Variants in FAM184B observed in about 807,000 individuals in gnomAD.
The protein encoded by FAM184B is protein FAM184B.
A neutral mutation model predicts 135.9 loss-of-function variants in FAM184B; 111 were observed. The observed-to-expected ratio is 0.82, with a 90% CI of 0.70 to 0.96. The LOEUF (loss-of-function observed/expected upper bound fraction) is 0.96. Among genes scored for constraint, FAM184B ranks in the 40% least tolerant of loss-of-function variants. The pLI is 0.00. For synonymous variants in FAM184B, 552 were observed against 524.8 expected, an observed-to-expected ratio of 1.05 and a Z score of -0.71; for missense variants, 1,375 against 1,323.9, an observed-to-expected ratio of 1.04 and a Z score of -0.60.
rs1173229406 is a variant in FAM184B, at chr4:17,748,519, T to C, written c.141+32640A>G. 2.7e-5 allele frequency among the ~76,000 whole-genome samples: 4 copies of C among 147,036 alleles called. No homozygotes were observed. In the South Asian group the frequency reaches 6.6e-4, roughly 24 times the overall value. ...CCTCTTGTGTAATTTTTTTTTTTTT[T>C]TTTTTTTTTTTTTAGACAATGTCTC... On this transcript the variant is annotated intron_variant, in intron 1 of 17. Coordinates refer to ENST00000265018, the MANE Select transcript of FAM184B (RefSeq NM_015688.2).
At chr4:17,659,645 C>T (rs1235432202) in intron 9 of FAM184B, among the ~76,000 whole-genome samples, 1 of 152,052 alleles carries the variant, frequency 6.6e-6, no homozygotes, top group African/African-American at 2.4e-5. Context: ...CGCCACATAC[C>T]CAGCTAATTT....
intron 1 of FAM184B, among the ~76,000 whole-genome samples, chr4:17,757,596 C>T (rs1000435253): frequency 2.0e-5 from 3 of 151,470 alleles, no homozygotes; most frequent in African/African-American, 2.4e-5. Context: ...CTTCTGAGAT[C>T]GATATAAAAT....
intron 11 of FAM184B, among the ~76,000 whole-genome samples, chr4:17,651,328 G>C (rs1224907684): frequency 6.6e-6 from 1 of 151,992 alleles, no homozygotes. Flanking sequence ...ACGAGGTCAG[G>C]AGATCGAGAC....
rs1669217905 is a variant in FAM184B at position 17,659,974 on chromosome 4, G to A, written c.1808C>T (p.Ala603Val). Reference protein sequence around the residue: ...RLEEDWQSQKAKLQAQVSQMQ... With the variant: ...RLEEDWQSQKVKLQAQVSQMQ... ...TTGTCCTACCTGGGCTTGCAATTTG[G>A]CCTTCTGGCTTTGCCAGTCCTCCTC... Residue 603 changes from alanine to valine, a missense_variant, in exon 9 of 18, where the codon GCC becomes GTC. By Grantham distance (64) the Ala-to-Val change is moderately conservative. Coordinates refer to ENST00000265018, the MANE Select transcript of FAM184B (RefSeq NM_015688.2). The A allele has an allele frequency of 6.4e-7, 1 of 1,551,030 alleles. No homozygotes were observed. Among genetic ancestry groups the A allele is most frequent in the South Asian group, 1.2e-5 (1 of 84,020 alleles).
chr4:17,632,632 G>GA lies in FAM184B; in HGVS notation c.3090-8_3090-7insT. ...CGTTTCACCATCTGGGGTCCTAAAA[G>GA]CAAAAAAAGGTTTTTTTATATGGTT... On this transcript the variant is annotated splice_region_variant and splice_polypyrimidine_tract_variant and intron_variant, in intron 17 of 17. Coordinates refer to ENST00000265018, the MANE Select transcript of FAM184B (RefSeq NM_015688.2). 6 of 1,542,750 alleles carry GA rather than the reference G, an allele frequency of 3.9e-6. No homozygotes were observed. Among genetic ancestry groups the GA allele is most frequent in the Non-Finnish European group, 5.3e-6 (6 of 1,141,522 alleles).
At position 17,722,979 on chromosome 4, in the gene FAM184B, A is replaced by C. The variant is rs116559950; in HGVS notation, c.142-13335T>G. On this transcript the variant is annotated intron_variant, in intron 1 of 17. Coordinates refer to ENST00000265018, the MANE Select transcript of FAM184B (RefSeq NM_015688.2). ...CATACAAATGGAATTGCGAAAATTC[A>C]AACGCAGACAGAGCAGCTCTTCCAG... Among the ~76,000 whole-genome samples, 1,435 of 152,342 alleles carry C rather than the reference A, an allele frequency of 9.4e-3. 18 individuals carry two copies. The highest frequency in any genetic ancestry group is 0.032 in the African/African-American group (1,315 of 41,566).
chr4:17,755,029 T>A (rs1718387730), intron 1 of FAM184B, among the ~76,000 whole-genome samples: 1 of 151,954 alleles, frequency 6.6e-6, no homozygotes, highest in African/African-American at 2.4e-5. Context: ...CCTGGCTAAT[T>A]TTTAATTTTT....
chr4:17,661,434 C>A (rs1009071999), intron 8 of FAM184B, among the ~76,000 whole-genome samples: 1 of 152,090 alleles, frequency 6.6e-6, no homozygotes, highest in Admixed American at 6.6e-5. Flanking sequence ...CACCTGTAAT[C>A]CCAGCTACTC....
At chr4:17,742,857 C>G (rs906326709) in intron 1 of FAM184B, among the ~76,000 whole-genome samples, 2 of 152,226 alleles carry the variant, frequency 1.3e-5, no homozygotes, top group Non-Finnish European at 2.9e-5. Flanking sequence ...AGGGCAAGAA[C>G]CTGGGTGCCA....
intron 1 of FAM184B, among the ~76,000 whole-genome samples, chr4:17,770,265 C>T (rs1382771671): frequency 6.6e-6 from 1 of 152,302 alleles, no homozygotes; most frequent in Non-Finnish European, 1.5e-5. Flanking sequence ...TAATTCTTGC[C>T]TTTGTGTGAG....
intron 1 of FAM184B, among the ~76,000 whole-genome samples, chr4:17,728,269 C>A (rs902923838): frequency 1.3e-5 from 2 of 152,096 alleles, no homozygotes; most frequent in Non-Finnish European, 2.9e-5. Context: ...TACCTGTAGT[C>A]CCAGCTACTC....
intron 1 of FAM184B, among the ~76,000 whole-genome samples, chr4:17,761,333 C>A (rs909047560): frequency 6.6e-6 from 1 of 152,156 alleles, no homozygotes. Flanking sequence ...GAGAGAAGAA[C>A]CCTTACCAGA....
chr4:17,707,544 G>A, intron 3 of FAM184B, 105 bp downstream of exon 3: 2 of 1,440,934 alleles, frequency 1.4e-6, no homozygotes, highest in South Asian at 1.4e-5. Context: ...AAGCAGCCCT[G>A]CCCCTCCTCT....
intron 5 of FAM184B, among the ~76,000 whole-genome samples, chr4:17,696,618 C>T (rs1030296970): frequency 2.0e-5 from 3 of 152,058 alleles, no homozygotes; most frequent in African/African-American, 7.2e-5. Flanking sequence ...TTGAGACTAG[C>T]CTTGGCAACA....
chr4:17,717,225 A>G lies in FAM184B; in HGVS notation c.142-7581T>C, dbSNP rs368327597. Among the ~76,000 whole-genome samples the G allele has an allele frequency of 2.0e-5, 3 of 152,184 alleles. No homozygotes were observed. The East Asian group carries it at 5.8e-4, about 29-fold the overall frequency. Reference sequence around the variant, plus strand: ...GTTTTTGTGAGGATCAAATAGGGTAATATATCTTAGGTGTCTGGCACGTAG... The same window carrying G: ...GTTTTTGTGAGGATCAAATAGGGTAGTATATCTTAGGTGTCTGGCACGTAG... On this transcript the variant is annotated intron_variant, in intron 1 of 17. Transcript: ENST00000265018.
rs1379595348 is a variant in FAM184B, at chr4:17,629,810, ATAGTGT to A, written c.*2716_*2721del. On this transcript the variant is annotated 3_prime_UTR_variant, in exon 18 of 18. Coordinates refer to ENST00000265018, the MANE Select transcript of FAM184B (RefSeq NM_015688.2). ...TCTATCAAATTGTATTTCTTTGTCA[ATAGTGT>A]TAGGGCACAGTAGGTTCATTTACTG... 1 of 152,190 alleles carries A rather than the reference ATAGTGT, an allele frequency of 6.6e-6. No homozygotes were observed. The highest frequency in any genetic ancestry group is 1.5e-5 in the Non-Finnish European group (1 of 68,044). The allele number at this position is 152,190 out of a possible 1,614,324, so 9.4% of individuals were successfully genotyped here.
chr4:17,736,952 C>T (rs1420136135), intron 1 of FAM184B, among the ~76,000 whole-genome samples: 1 of 152,150 alleles, frequency 6.6e-6, no homozygotes, highest in Non-Finnish European at 1.5e-5. Context: ...CGAGACCAGC[C>T]TGGCCAACAT....
intron 5 of FAM184B, among the ~76,000 whole-genome samples, chr4:17,695,098 A>G (rs1716824311): frequency 6.6e-6 from 1 of 152,012 alleles, no homozygotes; most frequent in South Asian, 2.1e-4. Context: ...AGGTAAGACT[A>G]ACCAGTGAGG....
chr4:17,745,431 C>G (rs112805213), intron 1 of FAM184B, among the ~76,000 whole-genome samples: 121 of 152,334 alleles, frequency 7.9e-4, no homozygotes, highest in African/African-American at 2.7e-3. Flanking sequence ...CTACTAAGTC[C>G]GCGGCCTTAG....
Sources: allele counts gnomAD v4.1 joint callset (sites outside exome capture counted in the v4.1 genomes callset), GRCh38; gene constraint gnomAD v4.1.1; transcripts MANE v1.5; gene names NCBI Gene and HGNC (gene_info 2026-07-23, HGNC 2026-07-21).